Variants in PARD3 observed in about 807,000 individuals in gnomAD.
The protein encoded by PARD3 is partitioning defective 3 homolog.
In PARD3, 75 loss-of-function variants were observed where a neutral mutation model predicts 155.4. The observed-to-expected ratio is 0.48, with a 90% CI of 0.40 to 0.58. The LOEUF (loss-of-function observed/expected upper bound fraction) is 0.58. Among genes scored for constraint, PARD3 ranks in the 20% least tolerant of loss-of-function variants. The pLI is 0.00. For missense variants in PARD3, 1,642 were observed against 1,721.7 expected (o/e 0.95, Z 0.82); for synonymous variants, 576 against 610.5 (o/e 0.94, Z 0.83).
Position 34,419,146 on chromosome 10 carries a change from A to C in PARD3, c.715-17229T>G, listed in dbSNP as rs561361017. Among the ~76,000 whole-genome samples, 12 of 152,328 alleles carry C rather than the reference A, an allele frequency of 7.9e-5. No individual in the cohort carries two copies. The East Asian group carries it at 2.3e-3, about 29-fold the overall frequency. On this transcript the variant is annotated intron_variant, in intron 5 of 24. Transcript: ENST00000374788. ...AAACAGAATAACTGTTGAATATTAA[A>C]ATCTTAAAATTTGTCATCAAGTAAA...
intron 7 of PARD3, among the ~76,000 whole-genome samples, chr10:34,389,705 TC>T (rs1288149328): frequency 6.6e-6 from 1 of 152,104 alleles, no homozygotes; most frequent in Non-Finnish European, 1.5e-5. Context: ...ACCGCTCAGC[TC>T]CCTGAGTACA....
At chr10:34,721,995 T>C (rs1230034467) in intron 1 of PARD3, among the ~76,000 whole-genome samples, 1 of 151,964 alleles carries the variant, frequency 6.6e-6, no homozygotes, top group African/African-American at 2.4e-5. Flanking sequence ...CTGGGCAACA[T>C]GGTGAGATCC....
chr10:34,605,180 ATTTTTTT>A (rs750688603), intron 2 of PARD3, among the ~76,000 whole-genome samples: 2 of 62,482 alleles, frequency 3.2e-5, no homozygotes, highest in Non-Finnish European at 5.8e-5. Context: ...CCAAAATGAA[ATTTTTTT>A]TTTTTTTTTT....
intron 5 of PARD3, among the ~76,000 whole-genome samples, chr10:34,423,390 A>G (rs1036956407): frequency 3.9e-5 from 6 of 152,158 alleles, no homozygotes; most frequent in African/African-American, 1.4e-4. Context: ...CAAGAGATCT[A>G]CTGTACAACA....
intron 2 of PARD3, among the ~76,000 whole-genome samples, chr10:34,662,180 A>G (rs1739919722): frequency 6.6e-6 from 1 of 152,140 alleles, no homozygotes; most frequent in Non-Finnish European, 1.5e-5. Flanking sequence ...TCATCAGAAA[A>G]ATGCAAATCA....
chr10:34,351,535 G>A (rs564294182), intron 14 of PARD3, among the ~76,000 whole-genome samples: 2 of 152,316 alleles, frequency 1.3e-5, no homozygotes, highest in Admixed American at 1.3e-4. Context: ...AGTTTTGGAG[G>A]AGAGTGAAGG....
intron 2 of PARD3, among the ~76,000 whole-genome samples, chr10:34,621,644 A>T (rs533234596): frequency 1.5e-4 from 23 of 152,332 alleles, no homozygotes; most frequent in African/African-American, 4.6e-4. Context: ...GACACCTTTT[A>T]AAAAAATCAC....
At chr10:34,345,348 A>G (rs1837298865) in intron 15 of PARD3, 1 of 985,314 alleles carries the variant, frequency 1.0e-6, no homozygotes, top group Non-Finnish European at 1.2e-6. Context: ...CGTTTAGCCT[A>G]GAGTCCTACA....
intron 2 of PARD3, among the ~76,000 whole-genome samples, chr10:34,650,807 T>C (rs1316278785): frequency 1.3e-5 from 2 of 149,876 alleles, no homozygotes; most frequent in South Asian, 4.2e-4. Context: ...AGGTCAGGAG[T>C]TCAAGACCAG....
At chr10:34,664,768 G>A (rs958067691) in intron 2 of PARD3, among the ~76,000 whole-genome samples, 1 of 152,188 alleles carries the variant, frequency 6.6e-6, no homozygotes, top group African/African-American at 2.4e-5. Flanking sequence ...TTACAGACCT[G>A]AGCCACCATG....
intron 22 of PARD3, among the ~76,000 whole-genome samples, chr10:34,261,697 A>AAAGGAAGAAAGG (rs1218815879): frequency 1.7e-5 from 2 of 116,902 alleles, no homozygotes; most frequent in South Asian, 2.4e-4. Context: ...TCAAAGAAAG[A>AAAGGAAGAAAGG]AAGGAAGAAA....
chr10:34,159,641 GT>G (rs1306762561), intron 22 of PARD3, among the ~76,000 whole-genome samples: 3 of 152,174 alleles, frequency 2.0e-5, no homozygotes, highest in Non-Finnish European at 2.9e-5. Flanking sequence ...CTAAAAGACA[GT>G]TTCAACAAGG....
Position 34,111,252 on chromosome 10 carries a change from G to A in PARD3, c.3979C>T (p.Gln1327Ter), listed in dbSNP as rs763487045. The A allele has an allele frequency of 6.2e-7, 1 of 1,613,050 alleles. No individual in the cohort carries two copies. Among genetic ancestry groups the A allele is most frequent in the South Asian group, 1.1e-5 (1 of 91,042 alleles). The change falls in exon 25 of 25, where the codon CAA becomes TAA. Residue 1327 changes from glutamine (Q) to a stop codon, truncating the protein, a stop_gained. Transcript: ENST00000374788. LOFTEE classifies it high-confidence loss of function. ...SYAPPKGPFR[Q>*]DVPPSPSQVA... ...TGAGAAGGGGAGGGGGGCACATCTTGCCGGAAGGGCCCCTTGGGAGGGGCG... is the reference window on the plus strand; with the variant it reads ...TGAGAAGGGGAGGGGGGCACATCTTACCGGAAGGGCCCCTTGGGAGGGGCG...
chr10:34,576,099 G>A (rs1399511210), intron 2 of PARD3, among the ~76,000 whole-genome samples: 1 of 152,170 alleles, frequency 6.6e-6, no homozygotes, highest in East Asian at 1.9e-4. Flanking sequence ...CAGAATCACT[G>A]ATGTTTGCCA....
chr10:34,611,131 C>T (rs887054507), intron 2 of PARD3, among the ~76,000 whole-genome samples: 22 of 152,242 alleles, frequency 1.4e-4, no homozygotes, highest in African/African-American at 4.8e-4. Context: ...GAAAATCATG[C>T]ACCTTGAGTG....
At chr10:34,312,259 G>A (rs1367813742) in intron 20 of PARD3, 17 of 1,598,716 alleles carry the variant, frequency 1.1e-5, no homozygotes, top group Non-Finnish European at 1.5e-5. Flanking sequence ...CAGCCACTAA[G>A]AATTCATTAA....
intron 22 of PARD3, among the ~76,000 whole-genome samples, chr10:34,180,773 G>A (rs1950233625): frequency 2.0e-5 from 3 of 152,082 alleles, no homozygotes; most frequent in East Asian, 1.9e-4. Context: ...AACTGCCCTC[G>A]TGTCTTGCTG....
chr10:34,679,435 GAC>G (rs1393153535), intron 2 of PARD3, among the ~76,000 whole-genome samples: 1 of 152,166 alleles, frequency 6.6e-6, no homozygotes, highest in East Asian at 1.9e-4. Context: ...TGCCAAAATA[GAC>G]AGAGGGCTAT....
At chr10:34,784,478 C>T (rs1042812940) in intron 1 of PARD3, among the ~76,000 whole-genome samples, 16 of 151,348 alleles carry the variant, frequency 1.1e-4, no homozygotes, top group East Asian at 1.9e-4. Context: ...CTCACTCTGT[C>T]GCCCAGGCTG....
Sources: gnomAD v4.1 joint callset for allele counts (sites outside exome capture counted in the v4.1 genomes callset) on GRCh38, gnomAD v4.1.1 for gene constraint, MANE v1.5 for transcripts, NCBI Gene and HGNC (gene_info 2026-07-23, HGNC 2026-07-21) for gene names.